Variants in PFKP observed in about 807,000 individuals in gnomAD.
PFKP encodes phosphofructokinase, platelet, also known as ATP-dependent 6-phosphofructokinase, platelet type.
PFKP carries 101 observed loss-of-function variants against 94.3 expected under a neutral mutation model. The observed-to-expected ratio is 1.07, with a 90% CI of 0.91 to 1.26. The LOEUF (loss-of-function observed/expected upper bound fraction) is 1.26, where lower values mean the gene tolerates loss of function less well. PFKP is among the 50% of genes most tolerant of loss of function. The pLI is 0.00. For synonymous variants in PFKP, 573 were observed against 432.6 expected, an observed-to-expected ratio of 1.32 and a Z score of -4.03; for missense variants, 1,145 against 1,103.3, an observed-to-expected ratio of 1.04 and a Z score of -0.53.
At chr10:3,118,659 T>C in intron 14 of PFKP, 123 bp from the exon 15 acceptor site, 1 of 643,186 alleles carries the variant, frequency 1.6e-6, no homozygotes, top group East Asian at 2.8e-5. Flanking sequence ...AAGGCAGACG[T>C]TTACCGCTCC....
At chr10:3,112,136 AAGGACCGAGCCAGTCTCT>A in intron 10 of PFKP, 68 bp from the exon 11 acceptor site, 1 of 1,094,878 alleles carries the variant, frequency 9.1e-7, no homozygotes, top group Non-Finnish European at 1.4e-6. Flanking sequence ...GGCTGGTGGG[AAGGACCGAGCCAGTCTCT>A]ACCTACCCCA....
chr10:3,119,806 GGAGGT>G, intron 15 of PFKP, 81 bp from the exon 16 acceptor site: 1 of 1,228,156 alleles, frequency 8.1e-7, no homozygotes, highest in Non-Finnish European at 1.2e-6. Context: ...GTGCTGTGGT[GGAGGT>G]GGCGCTCCCA....
intron 16 of PFKP, among the ~76,000 whole-genome samples, chr10:3,121,985 C>A (rs1000462925): frequency 1.3e-5 from 2 of 151,768 alleles, no homozygotes; most frequent in Non-Finnish European, 2.9e-5. Context: ...CCGTGCCCAG[C>A]TAATTTTTTG....
intron 2 of PFKP, among the ~76,000 whole-genome samples, chr10:3,088,496 A>G (rs975102137): frequency 6.6e-6 from 1 of 152,092 alleles, no homozygotes; most frequent in African/African-American, 2.4e-5. Context: ...GCCCCGGCTG[A>G]CCTGGAGCGC....
At chr10:3,069,672 G>A (rs1160170348) in intron 1 of PFKP, among the ~76,000 whole-genome samples, 2 of 152,014 alleles carry the variant, frequency 1.3e-5, no homozygotes, top group African/African-American at 4.8e-5. Flanking sequence ...CGCTTGAGCC[G>A]AGGAGTTCCA....
At position 3,116,290 on chromosome 10, in the gene PFKP, G is replaced by A. The variant is rs1353157354; in HGVS notation, c.1372-486G>A. Among the ~76,000 whole-genome samples the A allele has an allele frequency of 3.9e-5, 6 of 152,240 alleles. No homozygotes were observed. The East Asian group carries it at 7.7e-4, about 20-fold the overall frequency. ...CCAGAATCTCGTGACCGGAAGCTGC[G>A]GAGCTGGGGTTCGAGCCCCACGGGT... On this transcript the variant is annotated intron_variant, in intron 13 of 21. Transcript: ENST00000381125.
At chr10:3,103,756 C>A in intron 4 of PFKP, 23 bp from the exon 5 acceptor site, 1 of 1,613,038 alleles carries the variant, frequency 6.2e-7, no homozygotes. Context: ...GGCGATGAGA[C>A]GTGCTGTTTG....
chr10:3,090,418 G>T (rs560986525), intron 2 of PFKP, among the ~76,000 whole-genome samples: 2 of 152,340 alleles, frequency 1.3e-5, no homozygotes, highest in Admixed American at 1.3e-4. Flanking sequence ...GACTAACGGG[G>T]CAGAGGAGCT....
At position 3,111,362 on chromosome 10, in the gene PFKP, G is replaced by A. The variant is rs149055092; in HGVS notation, c.1090-860G>A. On this transcript the variant is annotated intron_variant, in intron 10 of 21. Coordinates refer to ENST00000381125, the MANE Select transcript of PFKP (RefSeq NM_002627.5). Reference sequence around the variant, plus strand: ...AGGTAGTGTGTGTCTGCACGTTAGTGTGTGCCTGTGTGCATGTGAGAGGCA... The same window carrying A: ...AGGTAGTGTGTGTCTGCACGTTAGTATGTGCCTGTGTGCATGTGAGAGGCA... Among the ~76,000 whole-genome samples the A allele has an allele frequency of 6.7e-3, 1,022 of 152,214 alleles. 8 individuals are homozygous for A. Among genetic ancestry groups the A allele is most frequent in the African/African-American group, 0.024 (981 of 41,528 alleles).
At chr10:3,072,488 A>G (rs1373360303) in intron 1 of PFKP, among the ~76,000 whole-genome samples, 2 of 149,438 alleles carry the variant, frequency 1.3e-5, no homozygotes, top group Non-Finnish European at 3.0e-5. Flanking sequence ...TTCAGTGTAA[A>G]GTGCAGTAAT....
intron 1 of PFKP, among the ~76,000 whole-genome samples, chr10:3,074,563 C>T (rs1832439699): frequency 6.6e-6 from 1 of 152,140 alleles, no homozygotes; most frequent in Non-Finnish European, 1.5e-5. Context: ...TGGGGTGGGG[C>T]ACGTGGCAGG....
At chr10:3,113,093 G>C (rs3816698) in intron 11 of PFKP, 26 bp from the exon 12 acceptor site, 2 of 1,605,158 alleles carry the variant, frequency 1.2e-6, no homozygotes, top group East Asian at 2.2e-5. Context: ...TCTCGACTCC[G>C]GTCCAACGAC....
rs1457169436 is a variant in PFKP, at chr10:3,136,299, TTTGATCCTGAAATTGGCTTTATCATCTAG to T, written c.2226-145_2226-117del. 9 of 693,584 alleles carry T rather than the reference TTTGATCCTGAAATTGGCTTTATCATCTAG, an allele frequency of 1.3e-5. No homozygotes were observed. In the African/African-American group the frequency reaches 1.6e-4, roughly 12 times the overall value. The allele number at this position is 693,584 out of a possible 1,614,324, so 43.0% of individuals were successfully genotyped here. A position where few individuals can be genotyped will look rare whatever the true frequency, so the allele number is the denominator to read the frequency against. ...GGAATAATTTTAAACAATGGTTTCA[TTTGATCCTGAAATTGGCTTTATCATCTAG>T]TTGATTCAGCCGACCCTACAAACCC... On this transcript the variant is annotated intron_variant, in intron 21 of 21. Coordinates refer to ENST00000381125, the MANE Select transcript of PFKP (RefSeq NM_002627.5).
intron 19 of PFKP, among the ~76,000 whole-genome samples, chr10:3,133,518 C>A (rs948468678): frequency 6.6e-6 from 1 of 152,232 alleles, no homozygotes; most frequent in Non-Finnish European, 1.5e-5. Context: ...GCAACCTCCA[C>A]CTTCCAGGTT....
At chr10:3,119,522 T>G (rs1251423421) in intron 15 of PFKP, among the ~76,000 whole-genome samples, 1 of 152,056 alleles carries the variant, frequency 6.6e-6, no homozygotes, top group African/African-American at 2.4e-5. Flanking sequence ...GGAGAATCGC[T>G]TGAACCCGGG....
At chr10:3,124,902 C>T (rs548975598) in intron 16 of PFKP, among the ~76,000 whole-genome samples, 2 of 152,196 alleles carry the variant, frequency 1.3e-5, no homozygotes, top group Admixed American at 6.5e-5. Context: ...TGTGCCCAGG[C>T]GGCCCCCTGT....
chr10:3,093,912 G>C (rs1016418876), intron 2 of PFKP, among the ~76,000 whole-genome samples: 1 of 152,060 alleles, frequency 6.6e-6, no homozygotes, highest in Admixed American at 6.5e-5. Flanking sequence ...CAAAGTGCTG[G>C]GATTACAGGC....
chr10:3,094,843 G>A (rs1385422859), intron 2 of PFKP, among the ~76,000 whole-genome samples: 1 of 152,126 alleles, frequency 6.6e-6, no homozygotes, highest in East Asian at 1.9e-4. Context: ...CTGTGGGGGA[G>A]GGAAAAGGAT....
At chr10:3,090,885 A>G (rs1264497969) in intron 2 of PFKP, among the ~76,000 whole-genome samples, 3 of 152,110 alleles carry the variant, frequency 2.0e-5, no homozygotes, top group Non-Finnish European at 2.9e-5. Context: ...TTTTTCACCT[A>G]TACTCTAGTT....
Sources: gnomAD v4.1 joint callset for allele counts (sites outside exome capture counted in the v4.1 genomes callset) on GRCh38, gnomAD v4.1.1 for gene constraint, MANE v1.5 for transcripts, NCBI Gene and HGNC (gene_info 2026-07-23, HGNC 2026-07-21) for gene names.